Variants in PPP6C observed in about 807,000 individuals in gnomAD.
PPP6C encodes serine/threonine-protein phosphatase 6 catalytic subunit.
Under a neutral mutation model 39.8 loss-of-function variants are expected in PPP6C, and 11 were observed. The observed-to-expected ratio is 0.28, with a 90% CI of 0.17 to 0.46. PPP6C has a LOEUF of 0.46. PPP6C is among the 20% of genes least tolerant of loss of function. PPP6C has a pLI of 1.00. For missense variants in PPP6C, 211 were observed against 373.9 expected (o/e 0.56, Z 3.59); for synonymous variants, 129 against 130.3 (o/e 0.99, Z 0.07).
chr9:125,151,125 G>A (rs1588270591), intron 6 of PPP6C: 1 of 1,375,504 alleles, frequency 7.3e-7, no homozygotes, highest in East Asian at 2.3e-5. Context: ...ATATCTCTGA[G>A]CAGAAGAACT....
rs980590763 is a variant in PPP6C at position 125,189,687 on chromosome 9, T to C, written c.32A>G (p.Glu11Gly). The change falls in exon 1 of 7, where the codon GAA becomes GGA. Residue 11 changes from glutamate (E) to glycine (G), a missense_variant. This residue lies in a region of PPP6C where 43 missense variants were observed against 31.3 expected (regional missense o/e 1.38). Coordinates refer to ENST00000373547, the MANE Select transcript of PPP6C (RefSeq NM_002721.5). MAPLDLDKYV[E>G]IARLCKYLPE... ...CAGGTACTTGCACAGCCGCGCTATT[T>C]CCACATACTTGTCCAGGTCTAGCGG... The C allele has an allele frequency of 6.2e-7, 1 of 1,611,842 alleles. No homozygotes were observed. Among genetic ancestry groups the C allele is most frequent in the African/African-American group, 1.3e-5 (1 of 74,524 alleles).
intron 2 of PPP6C, among the ~76,000 whole-genome samples, chr9:125,161,745 A>G (rs1828880408): frequency 6.6e-6 from 1 of 152,218 alleles, no homozygotes; most frequent in African/African-American, 2.4e-5. Context: ...ATATTTCATC[A>G]TATTTCTATT....
chr9:125,171,634 A>G (rs1394610566), intron 1 of PPP6C, among the ~76,000 whole-genome samples: 1 of 148,422 alleles, frequency 6.7e-6, no homozygotes, highest in Non-Finnish European at 1.5e-5. Flanking sequence ...GCTCACTTCT[A>G]CCTCCATCTC....
chr9:125,172,843 T>C lies in PPP6C; in HGVS notation c.76-1663A>G, dbSNP rs1337214229. Among the ~76,000 whole-genome samples the C allele has an allele frequency of 4.0e-5, 6 of 151,660 alleles. No homozygotes were observed. The East Asian group carries it at 7.7e-4, about 20-fold the overall frequency. The stretch of plus-strand genomic sequence containing the variant: ...TTGGGTTGTACCTAAAGATCATGAG[T>C]TGTATCAGTGTCAATGTTGGCTGAT... On this transcript the variant is annotated intron_variant, in intron 1 of 6. Coordinates refer to ENST00000373547, the MANE Select transcript of PPP6C (RefSeq NM_002721.5).
chr9:125,189,721 T>G lies in PPP6C; in HGVS notation c.-3A>C. 2 of 1,580,278 alleles carry G rather than the reference T, an allele frequency of 1.3e-6. No individual in the cohort carries two copies. Among genetic ancestry groups the G allele is most frequent in the Non-Finnish European group, 1.7e-6 (2 of 1,168,126 alleles). ...TTGTCCAGGTCTAGCGGCGCCATTT[T>G]AAGAATAACAAGCCGCGGCAACAGC... On this transcript the variant is annotated 5_prime_UTR_variant, in exon 1 of 7. Transcript: ENST00000373547.
intron 4 of PPP6C, among the ~76,000 whole-genome samples, chr9:125,157,841 C>T (rs1836118254): frequency 1.3e-5 from 2 of 152,060 alleles, no homozygotes; most frequent in South Asian, 4.1e-4. Flanking sequence ...CATGCACACA[C>T]CACCACGCTC....
intron 1 of PPP6C, among the ~76,000 whole-genome samples, chr9:125,184,755 C>G (rs1218288750): frequency 6.6e-6 from 1 of 151,884 alleles, no homozygotes; most frequent in African/African-American, 2.4e-5. Context: ...GGCGGATCAC[C>G]TGAGGCCAGA....
At chr9:125,175,553 G>A (rs1829278684) in intron 1 of PPP6C, among the ~76,000 whole-genome samples, 1 of 149,338 alleles carries the variant, frequency 6.7e-6, no homozygotes, top group Middle Eastern at 3.5e-3. Flanking sequence ...TGAGGCAGGA[G>A]AATGGCATGA....
chr9:125,172,299 A>G (rs1829188341), intron 1 of PPP6C, among the ~76,000 whole-genome samples: 1 of 151,876 alleles, frequency 6.6e-6, no homozygotes, highest in Non-Finnish European at 1.5e-5. Context: ...TTCACTGCAA[A>G]CTGCCTCCCA....
At chr9:125,176,995 A>C (rs546446149) in intron 1 of PPP6C, among the ~76,000 whole-genome samples, 71 of 152,272 alleles carry the variant, frequency 4.7e-4, no homozygotes, top group African/African-American at 1.6e-3. Flanking sequence ...GGGAAAGTAG[A>C]TTTTTTTATT....
chr9:125,149,449 T>C lies in PPP6C; in HGVS notation c.*224A>G, dbSNP rs1437038778. 13 of 474,280 alleles carry C rather than the reference T, an allele frequency of 2.7e-5. No individual in the cohort carries two copies. Among genetic ancestry groups the C allele is most frequent in the Admixed American group, 2.3e-4 (6 of 26,252 alleles). The allele number at this position is 474,280 out of a possible 1,614,324, so 29.4% of individuals were successfully genotyped here. On this transcript the variant is annotated 3_prime_UTR_variant, in exon 7 of 7. Coordinates refer to ENST00000373547, the MANE Select transcript of PPP6C (RefSeq NM_002721.5). The stretch of plus-strand genomic sequence containing the variant: ...AAGACATTTCTCAAGTCTTCTCAAA[T>C]GAGTCCAGGGTGGGGATGGGATGGG...
intron 1 of PPP6C, among the ~76,000 whole-genome samples, chr9:125,188,631 C>A (rs996092422): frequency 6.6e-6 from 1 of 151,626 alleles, no homozygotes; most frequent in African/African-American, 2.4e-5. Flanking sequence ...ACTAAAAATA[C>A]AAAACAGCCG....
In PPP6C at chr9:125,147,854, G is replaced by T; in HGVS notation, c.*1819C>A. 5.6e-6 allele frequency: 1 copy of T among 179,614 alleles called. No individual in the cohort carries two copies. The highest frequency in any genetic ancestry group is 1.2e-5 in the Non-Finnish European group (1 of 85,218). 11.1% of individuals were successfully genotyped at this position (179,614 alleles called of 1,614,324 possible). A position where few individuals can be genotyped will look rare whatever the true frequency, so the allele number is the denominator to read the frequency against. ...AGCTGTTCAAAGACCACACCAAGTT[G>T]TCTGCATCATTAATTTCCAGTGTTT... On this transcript the variant is annotated 3_prime_UTR_variant, in exon 7 of 7. Transcript: ENST00000373547.
At chr9:125,186,938 C>CTTTTTTTTTTTT (rs1168730026) in intron 1 of PPP6C, among the ~76,000 whole-genome samples, 9 of 83,670 alleles carry the variant, frequency 1.1e-4, no homozygotes, top group South Asian at 4.5e-4. Flanking sequence ...ATTTTTCTTT[C>CTTTTTTTTTTTT]TTTTTTTTTT....
At chr9:125,165,795 CTTT>C (rs781221037) in intron 2 of PPP6C, among the ~76,000 whole-genome samples, 11 of 113,590 alleles carry the variant, frequency 9.7e-5, no homozygotes, top group African/African-American at 1.4e-4. Context: ...TAATCTTTTG[CTTT>C]TTTTTTTTTT....
intron 2 of PPP6C, among the ~76,000 whole-genome samples, chr9:125,166,388 T>C (rs921348458): frequency 6.6e-6 from 1 of 152,166 alleles, no homozygotes; most frequent in Non-Finnish European, 1.5e-5. Context: ...ACTGGCCCAC[T>C]TCCTTCACTT....
intron 1 of PPP6C, among the ~76,000 whole-genome samples, chr9:125,173,658 G>A (rs1362970547): frequency 3.9e-5 from 6 of 151,914 alleles, no homozygotes; most frequent in South Asian, 2.1e-4. Flanking sequence ...TCGCTCTGTT[G>A]CCAGGCTGGA....
intron 2 of PPP6C, among the ~76,000 whole-genome samples, chr9:125,167,398 A>T (rs1177816071): frequency 1.6e-5 from 2 of 125,146 alleles, no homozygotes; most frequent in Admixed American, 8.0e-5. Context: ...AAAAAAAAAA[A>T]AGAAATAAAA....
Position 125,149,553 on chromosome 9 carries a change from A to T in PPP6C, c.*120T>A. 21 of 1,131,694 alleles carry T rather than the reference A, an allele frequency of 1.9e-5. No homozygotes were observed. Among genetic ancestry groups the T allele is most frequent in the Non-Finnish European group, 2.2e-5 (18 of 808,562 alleles). 70.1% of individuals were successfully genotyped at this position (1,131,694 alleles called of 1,614,324 possible). ...GATAATTTAAAATTTAAAAAAAAAA[A>T]GGCAAGAGGCAGCATTTCAGCAGCA... On this transcript the variant is annotated 3_prime_UTR_variant, in exon 7 of 7. Coordinates refer to ENST00000373547, the MANE Select transcript of PPP6C (RefSeq NM_002721.5).
Sources: gnomAD v4.1 joint callset for allele counts (sites outside exome capture counted in the v4.1 genomes callset) on GRCh38, gnomAD v4.1.1 for gene constraint, gnomAD v4.1.1 regional missense constraint, MANE v1.5 for transcripts, NCBI Gene and HGNC (gene_info 2026-07-23, HGNC 2026-07-21) for gene names.